ERICH3: variants seen among roughly 807,000 people sequenced by gnomAD.
ERICH3 encodes the protein glutamate-rich protein 3.
ERICH3 carries 126 observed loss-of-function variants against 131.1 expected under a neutral mutation model. The observed-to-expected ratio is 0.96, with a 90% confidence interval of 0.83 to 1.11. The LOEUF is 1.11. Ranked by LOEUF, ERICH3 falls within the 50% of genes most tolerant of loss-of-function variation. The pLI, the probability that ERICH3 is intolerant of heterozygous loss-of-function variation, is 0.00. For missense variants in ERICH3, 2,050 were observed against 1,810.7 expected (o/e 1.13, Z -2.40); for synonymous variants, 695 against 644.6 (o/e 1.08, Z -1.18).
chr1:74,596,982 G>A (rs901215140), intron 11 of ERICH3, among the ~76,000 whole-genome samples: 2 of 152,026 alleles, frequency 1.3e-5, no homozygotes, highest in Non-Finnish European at 2.9e-5. Context: ...TTGCCCTCTG[G>A]GAACAGGTGT....
chr1:74,664,783 C>T (rs1646673796), intron 1 of ERICH3, among the ~76,000 whole-genome samples: 2 of 152,114 alleles, frequency 1.3e-5, no homozygotes, highest in Non-Finnish European at 1.5e-5. Context: ...CTGTTCCAAC[C>T]AGCATCAGGC....
chr1:74,625,490 G>A (rs1649382954), intron 7 of ERICH3: 1 of 152,020 alleles, frequency 6.6e-6, no homozygotes, highest in Non-Finnish European at 1.5e-5. Flanking sequence ...ACCTTCTCTA[G>A]GAGGCATTCT....
chr1:74,581,649 A>G (rs1647185239), intron 12 of ERICH3, among the ~76,000 whole-genome samples: 1 of 152,216 alleles, frequency 6.6e-6, no homozygotes. Context: ...TGCTATAAAA[A>G]AGGCACATGG....
At chr1:74,657,854 G>C (rs1024482874) in intron 1 of ERICH3, among the ~76,000 whole-genome samples, 1 of 151,854 alleles carries the variant, frequency 6.6e-6, no homozygotes, top group Non-Finnish European at 1.5e-5. Context: ...TTACATCTTT[G>C]AACAGAAAAA....
At chr1:74,579,830 T>A (rs1647144329) in intron 12 of ERICH3, 2 of 985,176 alleles carry the variant, frequency 2.0e-6, no homozygotes, top group Non-Finnish European at 2.4e-6. Context: ...AGGTGACCAC[T>A]GGAGGCAAAG....
At chr1:74,601,975 T>C (rs17095661) in intron 10 of ERICH3, among the ~76,000 whole-genome samples, 3,787 of 151,962 alleles carry the variant, frequency 0.025, 180 homozygotes, top group African/African-American at 0.087. Flanking sequence ...TATTATGGAT[T>C]AGTAGTAATC....
chr1:74,580,819 T>G (rs911177787), intron 12 of ERICH3, among the ~76,000 whole-genome samples: 1 of 151,916 alleles, frequency 6.6e-6, no homozygotes, highest in East Asian at 1.9e-4. Flanking sequence ...GTTTCCTACA[T>G]GAGTAAATTA....
chr1:74,606,588 T>G lies in ERICH3; in HGVS notation c.1489+13A>C. On this transcript the variant is annotated intron_variant, in intron 10 of 14. Transcript: ENST00000326665. ...CCACAGCTACAACAAAAGAAACTTGTGTTGTTGATTACCATATTTTAAAGT... is the reference window on the plus strand; with the variant it reads ...CCACAGCTACAACAAAAGAAACTTGGGTTGTTGATTACCATATTTTAAAGT... The G allele has an allele frequency of 1.9e-6, 3 of 1,580,802 alleles. No homozygotes were observed. Among genetic ancestry groups the G allele is most frequent in the Non-Finnish European group, 2.6e-6 (3 of 1,163,540 alleles).
chr1:74,606,743 T>A lies in ERICH3; in HGVS notation c.1347A>T (p.Lys449Asn), dbSNP rs1279812306. ...IPKRNEIKENKTSVSAKFSAQ... is the reference protein window; with the variant it reads ...IPKRNEIKENNTSVSAKFSAQ... ...CTGAAAATTTGGCTGAAACAGAGGT[T>A]TTGTTCTCCTTGATCTCATTTCTTT... is the stretch of plus-strand genomic sequence containing the variant. The change falls in exon 10 of 15, where the codon AAA becomes AAT. Residue 449 changes from lysine to asparagine, a missense_variant. Transcript: ENST00000326665. 1 of 1,613,490 alleles carries A rather than the reference T, an allele frequency of 6.2e-7. No homozygotes were observed. Among genetic ancestry groups the A allele is most frequent in the Non-Finnish European group, 8.5e-7 (1 of 1,179,624 alleles).
intron 10 of ERICH3, among the ~76,000 whole-genome samples, chr1:74,600,331 T>C (rs141074751): frequency 9.4e-4 from 143 of 152,036 alleles, no homozygotes; most frequent in African/African-American, 3.1e-3. Context: ...ATATTTCATA[T>C]GAAAAATGTT....
chr1:74,621,017 C>T (rs1649198277), intron 7 of ERICH3, 103 bp from the exon 8 acceptor site: 3 of 930,074 alleles, frequency 3.2e-6, no homozygotes, highest in Non-Finnish European at 4.4e-6. Flanking sequence ...TTTTTAAGTA[C>T]CTACCAACAA....
Position 74,641,417 on chromosome 1 carries a change from G to C in ERICH3, c.358C>G (p.Leu120Val), listed in dbSNP as rs139911004. The change falls in exon 5 of 15, where the codon CTG becomes GTG. Residue 120 changes from leucine (L) to valine (V), a missense_variant. Transcript: ENST00000326665. ...RRSVENNMPI[L>V]SPHPPVGPKS... ...GGGCCAACTGGTGGGTGGGGAGACA[G>C]GATTGGCATGTTATTTTCAACAGAC... The C allele has an allele frequency of 1.9e-6, 3 of 1,610,720 alleles. No individual in the cohort carries two copies. Among genetic ancestry groups the C allele is most frequent in the Non-Finnish European group, 2.5e-6 (3 of 1,178,996 alleles).
intron 13 of ERICH3, among the ~76,000 whole-genome samples, chr1:74,575,806 G>T (rs1647042134): frequency 6.6e-6 from 1 of 152,186 alleles, no homozygotes; most frequent in African/African-American, 2.4e-5. Context: ...AGTGCTAATG[G>T]CATCCAGCTG....
chr1:74,649,746 C>T (rs969735146), intron 1 of ERICH3, among the ~76,000 whole-genome samples: 2 of 152,104 alleles, frequency 1.3e-5, no homozygotes, highest in African/African-American at 4.8e-5. Context: ...CTCAAACTTA[C>T]CTGCTGTCTC....
chr1:74,664,744 T>C (rs1023011028), intron 1 of ERICH3, among the ~76,000 whole-genome samples: 6 of 152,208 alleles, frequency 3.9e-5, no homozygotes, highest in Admixed American at 3.9e-4. Context: ...CGCATAAAAA[T>C]GGATCACCAG....
In ERICH3 at chr1:74,606,882, A is replaced by G; in HGVS notation, c.1208T>C (p.Leu403Pro). The change falls in exon 10 of 15, where the codon CTT (leucine) becomes CCT (proline). Residue 403 changes from leucine to proline, a missense_variant. Coordinates refer to ENST00000326665, the MANE Select transcript of ERICH3 (RefSeq NM_001002912.5). ...TTTCGGCAAAGACGGTTTTTTGTCA[A>G]GGCCCATTGCAATAATGCACCTATG... is the stretch of plus-strand genomic sequence containing the variant. ...PCYKCIIAMG[L>P]DKKPSLPKSR... 1 of 1,612,076 alleles carries G rather than the reference A, an allele frequency of 6.2e-7. No homozygotes were observed. The highest frequency in any genetic ancestry group is 1.1e-5 in the South Asian group (1 of 90,844).
chr1:74,572,333 G>T lies in ERICH3; in HGVS notation c.3377C>A (p.Ala1126Asp), dbSNP rs1220511664. Residue 1126 changes from alanine to aspartate, a missense_variant, in exon 14 of 15, where the codon GCT becomes GAT. By Grantham distance (126) the Ala-to-Asp change is moderately radical. Coordinates refer to ENST00000326665, the MANE Select transcript of ERICH3 (RefSeq NM_001002912.5). ...KAPPNEMGSD[A>D]ENEAPVEASE... ...AGCCTCCACAGGTGCTTCGTTCTCA[G>T]CATCAGATCCCATTTCATTTGGGGG... The T allele has an allele frequency of 1.9e-6, 3 of 1,613,698 alleles. No individual in the cohort carries two copies. The highest frequency in any genetic ancestry group is 1.7e-6 in the Non-Finnish European group (2 of 1,179,984).
intron 8 of ERICH3, among the ~76,000 whole-genome samples, chr1:74,617,174 C>CAAAAAA (rs5775248): frequency 7.2e-6 from 1 of 138,262 alleles, no homozygotes; most frequent in African/African-American, 2.6e-5. Flanking sequence ...AAAAAACAAA[C>CAAAAAA]AAAAAAAAAA....
intron 1 of ERICH3, among the ~76,000 whole-genome samples, chr1:74,657,942 G>T (rs1646601591): frequency 6.6e-6 from 1 of 152,134 alleles, no homozygotes; most frequent in South Asian, 2.1e-4. Flanking sequence ...CAGAGGAAAG[G>T]TGACCAGAAT....
Sources: gnomAD v4.1 joint callset for allele counts (sites outside exome capture counted in the v4.1 genomes callset) on GRCh38, gnomAD v4.1.1 for gene constraint, MANE v1.5 for transcripts, NCBI Gene and HGNC (gene_info 2026-07-23, HGNC 2026-07-21) for gene names.